ARHGAP22: variants seen among roughly 807,000 people sequenced by gnomAD.
ARHGAP22 encodes the protein rho GTPase-activating protein 22.
A neutral mutation model predicts 59.1 loss-of-function variants in ARHGAP22; 48 were observed. That is an observed-to-expected ratio of 0.81 (90% CI 0.64 to 1.03). ARHGAP22 has a LOEUF of 1.03. ARHGAP22 is among the 50% of genes least tolerant of loss of function. The pLI is 0.00. For synonymous variants in ARHGAP22, 445 were observed against 416.4 expected (o/e 1.07, Z -0.84); for missense variants, 1,015 against 958.7 (o/e 1.06, Z -0.78).
intron 3 of ARHGAP22, among the ~76,000 whole-genome samples, chr10:48,482,980 C>A (rs915817588): frequency 1.3e-5 from 2 of 152,000 alleles, no homozygotes; most frequent in Admixed American, 1.3e-4. Flanking sequence ...CTAATCTCTA[C>A]CTCCATGAGA....
chr10:48,456,256 C>A (rs1488103243), intron 5 of ARHGAP22, among the ~76,000 whole-genome samples: 2 of 152,192 alleles, frequency 1.3e-5, no homozygotes, highest in East Asian at 3.8e-4. Context: ...CCGGATGAAT[C>A]CCAGGCTAGG....
chr10:48,512,613 G>C (rs1333934040), intron 3 of ARHGAP22, among the ~76,000 whole-genome samples: 2 of 152,188 alleles, frequency 1.3e-5, no homozygotes, highest in Non-Finnish European at 2.9e-5. Flanking sequence ...CTTACACACA[G>C]AGGCCAATTT....
Position 48,629,734 on chromosome 10 carries a change from T to C in ARHGAP22, c.52+22500A>G, listed in dbSNP as rs11101409. On this transcript the variant is annotated intron_variant, in intron 1 of 9. Transcript: ENST00000435790. ...AATCAGTGTGCCAATACCTATAAAA[T>C]AGCTTGCTAGGATTTTGATTGAGAA... Among the ~76,000 whole-genome samples, 1,092 of 152,358 alleles carry C rather than the reference T, an allele frequency of 7.2e-3. 7 individuals carry two copies. The highest frequency in any genetic ancestry group is 0.017 in the Middle Eastern group (5 of 294).
At chr10:48,645,154 A>G (rs188058063) in intron 1 of ARHGAP22, among the ~76,000 whole-genome samples, 6 of 152,288 alleles carry the variant, frequency 3.9e-5, no homozygotes, top group Admixed American at 3.9e-4. Flanking sequence ...AGAAATAATC[A>G]TACATATACA....
At chr10:48,564,455 A>C (rs1395827286) in intron 2 of ARHGAP22, among the ~76,000 whole-genome samples, 1 of 152,240 alleles carries the variant, frequency 6.6e-6, no homozygotes, top group Non-Finnish European at 1.5e-5. Context: ...AATGTATAGA[A>C]ATAGCACAGA....
chr10:48,600,353 G>T lies in ARHGAP22; in HGVS notation c.34+4410C>A, dbSNP rs193243922. Among the ~76,000 whole-genome samples, 612 of 152,258 alleles carry T rather than the reference G, an allele frequency of 4.0e-3. 11 individuals are homozygous for T. Among genetic ancestry groups the T allele is most frequent in the Admixed American group, 0.034 (521 of 15,302 alleles). On this transcript the variant is annotated intron_variant, in intron 1 of 9. Coordinates refer to ENST00000249601, the MANE Select transcript of ARHGAP22 (RefSeq NM_021226.4). ...TAGAAATCAGAAAAGTGTCACTCTG[G>T]TTGGGAGACGAGCCAGGGTGACTGG...
rs557939555 is a variant in ARHGAP22 at position 48,489,204 on chromosome 10, C to A, written c.323-9440G>T. On this transcript the variant is annotated intron_variant, in intron 3 of 9. Transcript: ENST00000249601. The stretch of plus-strand genomic sequence containing the variant: ...CTATTACCATGCCTAAGGGCCTACT[C>A]TATATGAAACACCCTGCAAGGTGCT... Among the ~76,000 whole-genome samples the A allele has an allele frequency of 2.7e-4, 41 of 152,242 alleles. No individual in the cohort carries two copies. In the South Asian group the frequency reaches 8.5e-3, roughly 32 times the overall value.
chr10:48,571,037 T>A (rs1442703721), intron 2 of ARHGAP22, among the ~76,000 whole-genome samples: 4 of 152,234 alleles, frequency 2.6e-5, no homozygotes, highest in African/African-American at 9.6e-5. Flanking sequence ...AATGTAGTTC[T>A]TTTTCTTCCA....
intron 1 of ARHGAP22, among the ~76,000 whole-genome samples, chr10:48,583,606 A>G (rs1357659441): frequency 1.3e-5 from 2 of 152,156 alleles, no homozygotes; most frequent in Non-Finnish European, 2.9e-5. Flanking sequence ...CAGGGGACAA[A>G]GTAGTGAAAT....
intron 3 of ARHGAP22, among the ~76,000 whole-genome samples, chr10:48,522,924 T>C (rs941409416): frequency 1.3e-5 from 2 of 152,210 alleles, no homozygotes; most frequent in African/African-American, 4.8e-5. Context: ...CCTCTCTACG[T>C]CCTGTGTAAA....
In ARHGAP22 at chr10:48,450,408, C is replaced by T. The variant is rs372266020; in HGVS notation, c.1721G>A (p.Gly574Asp). 7.6e-6 allele frequency: 12 copies of T among 1,568,824 alleles called. No homozygotes were observed. The African/African-American group carries it at 1.1e-4, about 14-fold the overall frequency. Residue 574 changes from glycine (G) to aspartate (D), a missense_variant, in exon 9 of 10, where the codon GGC becomes GAC. Gly to Asp is a moderately conservative substitution (Grantham distance 94). Coordinates refer to ENST00000249601, the MANE Select transcript of ARHGAP22 (RefSeq NM_021226.4). ...LDLDHSMDEA[G>D]AGASNSEPSE... ...GGGCTCGCTGTTGCTGGCACCCGCG[C>T]CCGCCTCGTCCATGCTGTGGTCCAG... is the stretch of plus-strand genomic sequence containing the variant.
upstream of ARHGAP22, chr10:48,605,111 G>C (rs1031855651): frequency 8.0e-7 from 1 of 1,256,914 alleles, no homozygotes; most frequent in African/African-American, 1.5e-5. Context: ...TGGCCTGGGC[G>C]CACGCGTGGC....
At chr10:48,462,118 C>A (rs370546291) in intron 4 of ARHGAP22, among the ~76,000 whole-genome samples, 1 of 152,164 alleles carries the variant, frequency 6.6e-6, no homozygotes, top group East Asian at 1.9e-4. Context: ...GAAGTGTGTA[C>A]GCACATGTGT....
At chr10:48,512,044 C>G (rs1400407792) in intron 3 of ARHGAP22, among the ~76,000 whole-genome samples, 1 of 152,232 alleles carries the variant, frequency 6.6e-6, no homozygotes, top group Non-Finnish European at 1.5e-5. Flanking sequence ...TGAGCAGGCT[C>G]TCTGCATGAC....
At chr10:48,640,806 CAT>C (rs2062012452) in intron 1 of ARHGAP22, among the ~76,000 whole-genome samples, 1 of 152,098 alleles carries the variant, frequency 6.6e-6, no homozygotes. Context: ...AAATGGTAAA[CAT>C]GTGGGTTAAT....
intron 5 of ARHGAP22, among the ~76,000 whole-genome samples, chr10:48,456,038 C>T (rs1277798443): frequency 6.6e-6 from 1 of 152,174 alleles, no homozygotes; most frequent in East Asian, 1.9e-4. Flanking sequence ...CATAGTCCTT[C>T]CCTGGGTCCT....
intron 1 of ARHGAP22, among the ~76,000 whole-genome samples, chr10:48,596,230 G>C (rs146550812): frequency 1.7e-3 from 254 of 152,332 alleles, no homozygotes; most frequent in Admixed American, 6.8e-3. Context: ...GATTCAAGCG[G>C]ATCTGGTGTT....
At chr10:48,549,364 G>A (rs2056719476) in intron 3 of ARHGAP22, among the ~76,000 whole-genome samples, 1 of 152,126 alleles carries the variant, frequency 6.6e-6, no homozygotes, top group African/African-American at 2.4e-5. Context: ...GTCACTTGGG[G>A]CTGGAAGCTA....
At chr10:48,655,479 C>T (rs1279597304), upstream of ARHGAP22, 1 of 152,554 alleles carries the variant, frequency 6.6e-6, no homozygotes, top group Non-Finnish European at 1.5e-5. Context: ...TCCAGTCCCT[C>T]ACCCCAGCCC....
Sources: allele counts gnomAD v4.1 joint callset (sites outside exome capture counted in the v4.1 genomes callset), GRCh38; gene constraint gnomAD v4.1.1; transcripts MANE v1.5; gene names NCBI Gene and HGNC (gene_info 2026-07-23, HGNC 2026-07-21).